Variants in GRM8 observed in about 807,000 individuals in gnomAD.
GRM8 encodes the protein metabotropic glutamate receptor 8.
A neutral mutation model predicts 87.2 loss-of-function variants in GRM8; 47 were observed. That is an observed-to-expected ratio of 0.54 (90% CI 0.43 to 0.69). GRM8 has a LOEUF of 0.69. Among genes scored for constraint, GRM8 ranks in the 30% least tolerant of loss-of-function variants. The pLI is 0.00. For missense variants in GRM8, 1,019 were observed against 1,139.2 expected (o/e 0.89, Z 1.52); for synonymous variants, 396 against 404.5 (o/e 0.98, Z 0.25).
At chr7:126,827,197 G>A (rs1347908043) in intron 6 of GRM8, among the ~76,000 whole-genome samples, 5 of 152,088 alleles carry the variant, frequency 3.3e-5, no homozygotes, top group African/African-American at 1.2e-4. Context: ...TTGGTGATGT[G>A]GGCTCTTTTT....
Position 127,058,778 on chromosome 7 carries a change from G to A in GRM8, c.727+47718C>T, listed in dbSNP as rs1048546475. 4.6e-5 allele frequency among the ~76,000 whole-genome samples: 7 copies of A among 152,192 alleles called. No individual in the cohort carries two copies. In the East Asian group the frequency reaches 9.6e-4, roughly 21 times the overall value. ...GCTTGGTGACAAGCAGAGTCTCCGTGTTAGCAACTATGATAAACCTGGGCA... is the reference window on the plus strand; with the variant it reads ...GCTTGGTGACAAGCAGAGTCTCCGTATTAGCAACTATGATAAACCTGGGCA... On this transcript the variant is annotated intron_variant, in intron 3 of 10. Coordinates refer to ENST00000339582, the MANE Select transcript of GRM8 (RefSeq NM_000845.3).
intron 2 of GRM8, among the ~76,000 whole-genome samples, chr7:127,123,714 C>A (rs1482237790): frequency 1.3e-5 from 2 of 152,126 alleles, no homozygotes. Flanking sequence ...TAAAACATTA[C>A]CAAATTTTCT....
At chr7:126,847,451 T>A (rs191317302) in intron 6 of GRM8, among the ~76,000 whole-genome samples, 11 of 152,258 alleles carry the variant, frequency 7.2e-5, no homozygotes, top group African/African-American at 2.6e-4. Flanking sequence ...CCCTGCAATC[T>A]GGGTAGGATG....
chr7:126,546,305 T>C (rs1817149923), intron 8 of GRM8, among the ~76,000 whole-genome samples: 2 of 152,204 alleles, frequency 1.3e-5, no homozygotes, highest in Admixed American at 6.5e-5. Flanking sequence ...TGATGTCCAA[T>C]AGATTCGAGT....
At chr7:126,870,161 G>C (rs919752488) in intron 6 of GRM8, 5 of 151,922 alleles carry the variant, frequency 3.3e-5, no homozygotes, top group African/African-American at 1.2e-4. Context: ...TATTTTCTTC[G>C]GCAGCTTCCT....
chr7:126,653,664 C>T (rs1336322514), intron 7 of GRM8, among the ~76,000 whole-genome samples: 1 of 152,138 alleles, frequency 6.6e-6, no homozygotes, highest in African/African-American at 2.4e-5. Context: ...ATGGAAACTT[C>T]AAAAATCACA....
intron 7 of GRM8, among the ~76,000 whole-genome samples, chr7:126,629,975 T>C (rs1295159785): frequency 6.6e-6 from 1 of 152,168 alleles, no homozygotes; most frequent in African/African-American, 2.4e-5. Context: ...TTTTCAAATG[T>C]ATCTAAAACA....
At chr7:126,681,046 T>G (rs1192144875) in intron 7 of GRM8, among the ~76,000 whole-genome samples, 1 of 152,202 alleles carries the variant, frequency 6.6e-6, no homozygotes, top group Non-Finnish European at 1.5e-5. Context: ...AACATACTTA[T>G]AAGTACTTTA....
intron 3 of GRM8, among the ~76,000 whole-genome samples, chr7:127,099,788 C>T (rs1215003594): frequency 6.6e-6 from 1 of 152,128 alleles, no homozygotes; most frequent in Non-Finnish European, 1.5e-5. Flanking sequence ...CTGTTAAGAA[C>T]TGAATTATCT....
chr7:127,029,901 T>C (rs1231593995), intron 3 of GRM8, among the ~76,000 whole-genome samples: 1 of 151,928 alleles, frequency 6.6e-6, no homozygotes, highest in Non-Finnish European at 1.5e-5. Flanking sequence ...AAGTACAGAG[T>C]TCTTATATGT....
chr7:126,715,183 G>T (rs1383860985), intron 7 of GRM8, among the ~76,000 whole-genome samples: 1 of 152,128 alleles, frequency 6.6e-6, no homozygotes, highest in Non-Finnish European at 1.5e-5. Context: ...ATGCAAGAAC[G>T]TTGACACATC....
At chr7:126,772,527 G>A (rs1818957587) in intron 6 of GRM8, among the ~76,000 whole-genome samples, 1 of 152,066 alleles carries the variant, frequency 6.6e-6, no homozygotes, top group Non-Finnish European at 1.5e-5. Context: ...AACTCGCCAA[G>A]AGATTCTGGT....
chr7:126,871,865 T>C (rs1047924388), intron 6 of GRM8, among the ~76,000 whole-genome samples: 1 of 152,194 alleles, frequency 6.6e-6, no homozygotes, highest in African/African-American at 2.4e-5. Flanking sequence ...ACTAGAACTG[T>C]TAAATTAAAA....
At chr7:126,593,218 A>C (rs899819522) in intron 8 of GRM8, among the ~76,000 whole-genome samples, 3 of 152,078 alleles carry the variant, frequency 2.0e-5, no homozygotes, top group Non-Finnish European at 4.4e-5. Context: ...AATCCCTATC[A>C]AAATGCAAGT....
chr7:126,539,054 A>G (rs958491171), intron 8 of GRM8, among the ~76,000 whole-genome samples: 1 of 151,974 alleles, frequency 6.6e-6, no homozygotes, highest in Non-Finnish European at 1.5e-5. Flanking sequence ...AAAATCTAAT[A>G]TGCTTGAGAT....
At chr7:126,664,979 T>C (rs1805608061) in intron 7 of GRM8, among the ~76,000 whole-genome samples, 1 of 152,080 alleles carries the variant, frequency 6.6e-6, no homozygotes. Flanking sequence ...TAGACACTTC[T>C]TAAAACACAA....
chr7:127,162,741 AAC>A (rs1793196658), intron 2 of GRM8, among the ~76,000 whole-genome samples: 1 of 152,164 alleles, frequency 6.6e-6, no homozygotes, highest in South Asian at 2.1e-4. Flanking sequence ...TATTATTTTA[AAC>A]CTAATTGGAA....
chr7:126,706,885 G>C (rs1231867149), intron 7 of GRM8, among the ~76,000 whole-genome samples: 1 of 152,106 alleles, frequency 6.6e-6, no homozygotes, highest in Admixed American at 6.6e-5. Context: ...CCTGGTATCT[G>C]CCATGTCTAC....
chr7:126,974,955 A>C (rs1177867681), intron 3 of GRM8, among the ~76,000 whole-genome samples: 1 of 149,512 alleles, frequency 6.7e-6, no homozygotes, highest in Non-Finnish European at 1.5e-5. Context: ...AAAAAAAAAA[A>C]AAAAAAAAAA....
Sources: allele counts gnomAD v4.1 joint callset (sites outside exome capture counted in the v4.1 genomes callset), GRCh38; gene constraint gnomAD v4.1.1; transcripts MANE v1.5; gene names NCBI Gene and HGNC (gene_info 2026-07-23, HGNC 2026-07-21).